PCGF3: variants seen among roughly 807,000 people sequenced by gnomAD.
PCGF3 encodes the protein polycomb group RING finger protein 3.
PCGF3 carries 7 observed loss-of-function variants against 33.1 expected under a neutral mutation model. The observed-to-expected ratio is 0.21, with a 90% CI of 0.12 to 0.40. The LOEUF (loss-of-function observed/expected upper bound fraction) is 0.40, where lower values mean the gene tolerates loss of function less well. PCGF3 is among the 10% of genes least tolerant of loss of function. The pLI is 1.00. For missense variants in PCGF3, 211 were observed against 313.3 expected, an observed-to-expected ratio of 0.67 and a Z score of 2.46; for synonymous variants, 153 against 121.3, an observed-to-expected ratio of 1.26 and a Z score of -1.72.
At chr4:766,174 C>G (rs1745362547) in exon 11 of PCGF3, 3 of 962,868 alleles carry the variant, frequency 3.1e-6, no homozygotes. Context: ...GTCATGTGGA[C>G]CAGACTTCTG....
intron 8 of PCGF3, among the ~76,000 whole-genome samples, chr4:748,344 C>T (rs1300338318): frequency 6.6e-6 from 1 of 152,068 alleles, no homozygotes; most frequent in African/African-American, 2.4e-5. Flanking sequence ...GGACTACAGG[C>T]ACCTGCCGCT....
Position 737,391 on chromosome 4 carries a change from T to C in PCGF3, c.207-75T>C, listed in dbSNP as rs1020061913. The C allele has an allele frequency of 1.7e-5, 16 of 964,838 alleles. No individual in the cohort carries two copies. The African/African-American group carries it at 2.1e-4, about 13-fold the overall frequency. The allele number at this position is 964,838 out of a possible 1,614,324, so 59.8% of individuals were successfully genotyped here. On this transcript the variant is annotated intron_variant, in intron 5 of 10. Coordinates refer to ENST00000362003, the Ensembl canonical transcript of PCGF3. The stretch of plus-strand genomic sequence containing the variant: ...AGACTGGTGATTCTGAACTTTGATA[T>C]TGTTAAATGGAAAGTGTACAAGAAT...
At chr4:765,131 T>C (rs1038293456) in intron 10 of PCGF3, 67 bp downstream of exon 10, 14 of 1,124,250 alleles carry the variant, frequency 1.2e-5, no homozygotes, top group African/African-American at 6.1e-5. Context: ...GCATCTCTTA[T>C]CTAAAATGTT....
At chr4:722,026 C>T (rs771373302) in intron 1 of PCGF3, among the ~76,000 whole-genome samples, 24 of 152,122 alleles carry the variant, frequency 1.6e-4, no homozygotes, top group African/African-American at 4.1e-4. Flanking sequence ...GCAGCTCCTT[C>T]GTTGCAGAAA....
chr4:754,212 G>A (rs1577435786), intron 8 of PCGF3, among the ~76,000 whole-genome samples: 1 of 152,216 alleles, frequency 6.6e-6, no homozygotes, highest in Admixed American at 6.5e-5. Context: ...CTGGTGTGGG[G>A]TCCCTGCCGC....
intron 8 of PCGF3, among the ~76,000 whole-genome samples, chr4:761,032 T>C (rs928822159): frequency 1.3e-5 from 2 of 152,224 alleles, no homozygotes; most frequent in East Asian, 1.9e-4. Flanking sequence ...CTCTCAACTA[T>C]TATGTTAATA....
Position 734,471 on chromosome 4 carries a change from T to G in PCGF3, c.110-460T>G. On this transcript the variant is annotated intron_variant, in intron 4 of 10. Coordinates refer to ENST00000362003, the Ensembl canonical transcript of PCGF3. ...TTTAGGAAATAAAATATTTGCCAAT[T>G]TGATAGAATTTTGACTTTAACGTTA... 11 of 1,245,926 alleles carry G rather than the reference T, an allele frequency of 8.8e-6. No homozygotes were observed. The South Asian group carries it at 3.5e-4, about 40-fold the overall frequency. 77.2% of individuals were successfully genotyped at this position (1,245,926 alleles called of 1,614,324 possible).
In PCGF3 at chr4:765,114, T is replaced by C. The variant is rs771143621; in HGVS notation, c.681+50T>C. On this transcript the variant is annotated intron_variant, in intron 10 of 10. Coordinates refer to ENST00000362003, the Ensembl canonical transcript of PCGF3. ...GAGTCTGCTCTGAATGGCAGTGACTTTGCTGTGCATCTCTTATCTAAAATG... is the reference window on the plus strand; with the variant it reads ...GAGTCTGCTCTGAATGGCAGTGACTCTGCTGTGCATCTCTTATCTAAAATG... 2.4e-6 allele frequency: 3 copies of C among 1,262,762 alleles called. No individual in the cohort carries two copies. The South Asian group carries it at 3.6e-5, about 15-fold the overall frequency. 78.2% of individuals were successfully genotyped at this position (1,262,762 alleles called of 1,614,324 possible).
At chr4:756,237 G>C (rs1744764826) in intron 8 of PCGF3, among the ~76,000 whole-genome samples, 2 of 130,038 alleles carry the variant, frequency 1.5e-5, no homozygotes, top group Admixed American at 8.1e-5. Context: ...TTGAGATGTA[G>C]TCTTATACTC....
At chr4:768,109 G>A (rs1162968565) in exon 11 of PCGF3, 1 of 152,670 alleles carries the variant, frequency 6.6e-6, no homozygotes, top group Non-Finnish European at 1.5e-5. Flanking sequence ...CTTTGCAATG[G>A]TGCTAAGCTG....
chr4:754,368 G>A (rs545136146), intron 8 of PCGF3, among the ~76,000 whole-genome samples: 36 of 152,326 alleles, frequency 2.4e-4, no homozygotes, highest in African/African-American at 3.1e-4. Context: ...CCCGAGAGCC[G>A]GTCACCTGCT....
At chr4:708,379 C>CG (rs574988511) in intron 1 of PCGF3, among the ~76,000 whole-genome samples, 3 of 152,086 alleles carry the variant, frequency 2.0e-5, no homozygotes, top group Admixed American at 1.3e-4. Context: ...CTGGGACCCT[C>CG]GGGGGGGAAT....
At chr4:763,605 C>A (rs1745191736) in intron 9 of PCGF3, among the ~76,000 whole-genome samples, 2 of 152,250 alleles carry the variant, frequency 1.3e-5, no homozygotes, top group South Asian at 4.1e-4. Flanking sequence ...AGCGCAGGTT[C>A]ATTCCTGTGG....
intron 1 of PCGF3, among the ~76,000 whole-genome samples, chr4:706,686 G>A (rs1742321178): frequency 7.7e-6 from 1 of 129,948 alleles, no homozygotes; most frequent in Non-Finnish European, 1.7e-5. Context: ...AGGACCGCGG[G>A]AGGGCAGGGA....
rs1293109747 is a variant in PCGF3, at chr4:761,543, C to T, written c.600+127C>T. 7.9e-6 allele frequency: 11 copies of T among 1,400,908 alleles called. No individual in the cohort carries two copies. In the African/African-American group the frequency reaches 8.7e-5, roughly 11 times the overall value. The allele number at this position is 1,400,908 out of a possible 1,614,324, so 86.8% of individuals were successfully genotyped here. On this transcript the variant is annotated intron_variant, in intron 9 of 10. Transcript: ENST00000362003. ...TGGAGATTTTAACCAGAAAAAAATC[C>T]GTTTTGCCTGCTTCACCGGGGAGCG...
intron 5 of PCGF3, 77 bp downstream of exon 5, chr4:735,104 C>T: frequency 6.8e-7 from 1 of 1,473,914 alleles, no homozygotes; most frequent in Non-Finnish European, 9.3e-7. Context: ...CCTTCCCAGG[C>T]CATTAGCGCT....
chr4:733,479 C>T (rs1401012411), intron 3 of PCGF3, among the ~76,000 whole-genome samples, 193 bp from the exon 4 acceptor site: 2 of 152,180 alleles, frequency 1.3e-5, no homozygotes, highest in East Asian at 1.9e-4. Flanking sequence ...GGGCTTGTCC[C>T]AGTGCACGCA....
chr4:740,463 C>G (rs1470859417), intron 6 of PCGF3, among the ~76,000 whole-genome samples: 1 of 152,216 alleles, frequency 6.6e-6, no homozygotes, highest in Non-Finnish European at 1.5e-5. Context: ...CCACTCTGGG[C>G]TCTTTCACTC....
intron 6 of PCGF3, among the ~76,000 whole-genome samples, chr4:738,592 G>A (rs959552439): frequency 2.0e-5 from 3 of 151,636 alleles, no homozygotes; most frequent in Admixed American, 6.6e-5. Context: ...GCTCACGCCT[G>A]TAATCCCAGC....
Sources: gnomAD v4.1 joint callset for allele counts (sites outside exome capture counted in the v4.1 genomes callset) on GRCh38, gnomAD v4.1.1 for gene constraint, MANE v1.5 for transcripts, NCBI Gene and HGNC (gene_info 2026-07-23, HGNC 2026-07-21) for gene names.